PLSCR5: variants seen among roughly 807,000 people sequenced by gnomAD.
The protein encoded by PLSCR5 is phospholipid scramblase family member 5, also known as phospholipid scramblase family, member 5.
PLSCR5 carries 44 observed loss-of-function variants against 33.6 expected under a neutral mutation model. The ratio of observed to expected loss-of-function variants is 1.31; its 90% CI spans 1.03 to 1.69. PLSCR5 has a LOEUF of 1.69. Among genes scored for constraint, PLSCR5 ranks in the 40% most tolerant of loss-of-function variants. The pLI, the probability that PLSCR5 is intolerant of heterozygous loss-of-function variation, is 0.00. For missense variants in PLSCR5, 375 were observed against 318.7 expected (o/e 1.18, Z -1.34); for synonymous variants, 148 against 112.3 (o/e 1.32, Z -2.01).
chr3:146,585,231 C>T (rs1419215377), downstream of PLSCR5, among the ~76,000 whole-genome samples: 5 of 152,080 alleles, frequency 3.3e-5, no homozygotes, highest in Admixed American at 1.3e-4. Flanking sequence ...GTTTCCTTTG[C>T]TTGTTTTTAA....
In PLSCR5 at chr3:146,600,373, T is replaced by C. The variant is rs778266637; in HGVS notation, c.104A>G (p.Asn35Ser). 3 of 1,610,058 alleles carry C rather than the reference T, an allele frequency of 1.9e-6. No homozygotes were observed. The African/African-American group carries it at 4.0e-5, about 22-fold the overall frequency. ...QSLPASSNPG[N>S]QAWQLSLPLP... Reference sequence around the variant, plus strand: ...AGGGAGACTCAGCTGCCATGCTTGGTTCCCTGGATTGGAAGAGGCAGGAAG... The same window carrying C: ...AGGGAGACTCAGCTGCCATGCTTGGCTCCCTGGATTGGAAGAGGCAGGAAG... Residue 35 changes from asparagine to serine, a missense_variant, in exon 2 of 8, where the codon AAC (asparagine) becomes AGC (serine). Transcript: ENST00000443512.
rs765503878 is a variant in PLSCR5, at chr3:146,589,705, G to T, written c.725C>A (p.Ala242Glu). The change falls in exon 6 of 8, where the codon GCA becomes GAA. Residue 242 changes from alanine (A) to glutamate (E), a missense_variant. By Grantham distance (107) the Ala-to-Glu change is moderately radical. Coordinates refer to ENST00000443512, the MANE Select transcript of PLSCR5 (RefSeq NM_001085420.2). ...NADNFGIHVP[A>E]DLDVTVKAAM... The stretch of plus-strand genomic sequence containing the variant: ...TGCTTTGACTGTTACATCTAGATCT[G>T]CAGGAACATGAATTCCGAAATTGTC... 3.7e-6 allele frequency: 6 copies of T among 1,605,786 alleles called. No homozygotes were observed. The highest frequency in any genetic ancestry group is 5.1e-6 in the Non-Finnish European group (6 of 1,173,842).
rs772014176 is a variant in PLSCR5 at position 146,589,688 on chromosome 3, C to A, written c.742G>T (p.Val248Phe). Residue 248 changes from valine to phenylalanine, a missense_variant, in exon 6 of 8, where the codon GTC becomes TTC. Physicochemically the swap from Val to Phe is conservative, Grantham distance 50. Transcript: ENST00000443512. ...CAGGCACCGATCATTGCTGCTTTGACTGTTACATCTAGATCTGCAGGAACA... is the reference window on the plus strand; with the variant it reads ...CAGGCACCGATCATTGCTGCTTTGAATGTTACATCTAGATCTGCAGGAACA... ...IHVPADLDVT[V>F]KAAMIGACFL... 2 of 1,601,626 alleles carry A rather than the reference C, an allele frequency of 1.2e-6. No homozygotes were observed. The highest frequency in any genetic ancestry group is 3.4e-5 in the Admixed American group (2 of 59,466).
At chr3:146,604,158 T>C (rs1342958206) in intron 1 of PLSCR5, among the ~76,000 whole-genome samples, 1 of 152,114 alleles carries the variant, frequency 6.6e-6, no homozygotes, top group African/African-American at 2.4e-5. Flanking sequence ...TCACCAATTA[T>C]ACTAATTATA....
At chr3:146,580,743 G>A (rs2044628421) in intron 7 of PLSCR5, among the ~76,000 whole-genome samples, 1 of 152,128 alleles carries the variant, frequency 6.6e-6, no homozygotes, top group African/African-American at 2.4e-5. Context: ...GATTATAGGC[G>A]TGAGCCACCG....
chr3:146,593,600 G>A (rs2044733081), intron 4 of PLSCR5, among the ~76,000 whole-genome samples: 1 of 152,094 alleles, frequency 6.6e-6, no homozygotes, highest in African/African-American at 2.4e-5. Context: ...GACAAAGGGT[G>A]TATATGCCCA....
intron 1 of PLSCR5, among the ~76,000 whole-genome samples, chr3:146,601,582 CA>C (rs1195971030): frequency 2.7e-5 from 4 of 150,510 alleles, no homozygotes; most frequent in Non-Finnish European, 6.0e-5. Flanking sequence ...AAGAGAGGGA[CA>C]AGGAAATTGC....
At position 146,591,745 on chromosome 3, in the gene PLSCR5, C is replaced by G. The variant is rs749170196; in HGVS notation, c.590G>C (p.Gly197Ala). The G allele has an allele frequency of 1.2e-6, 2 of 1,611,032 alleles. No individual in the cohort carries two copies. The highest frequency in any genetic ancestry group is 1.3e-5 in the African/African-American group (1 of 74,830). The change falls in exon 5 of 8, where the codon GGC (glycine) becomes GCC (alanine). Residue 197 changes from glycine (G) to alanine (A), a missense_variant. By Grantham distance (60) the Gly-to-Ala change is moderately conservative. Transcript: ENST00000443512. ...CTCAAAATCCACATCGCCAAAACAGCCACATGTCACACAAGGACCAACAAT... is the reference window on the plus strand; with the variant it reads ...CTCAAAATCCACATCGCCAAAACAGGCACATGTCACACAAGGACCAACAAT... The part of the protein sequence containing the change: ...LKIVGPCVTC[G>A]CFGDVDFEVK...
At position 146,589,721 on chromosome 3, in the gene PLSCR5, C is replaced by T. The variant is rs372938866; in HGVS notation, c.709G>A (p.Gly237Arg). ...NDVFTNADNFGIHVPADLDVT... is the reference protein window; with the variant it reads ...NDVFTNADNFRIHVPADLDVT... The stretch of plus-strand genomic sequence containing the variant: ...TCTAGATCTGCAGGAACATGAATTC[C>T]GAAATTGTCAGCATTTGTGAAGACA... The change falls in exon 6 of 8, where the codon GGA (glycine) becomes AGA (arginine). Residue 237 changes from glycine (G) to arginine (R), a missense_variant. Gly to Arg is a moderately radical substitution (Grantham distance 125). Coordinates refer to ENST00000443512, the MANE Select transcript of PLSCR5 (RefSeq NM_001085420.2). The T allele has an allele frequency of 8.5e-5, 137 of 1,602,856 alleles. No individual in the cohort carries two copies. The highest frequency in any genetic ancestry group is 8.3e-4 in the African/African-American group (62 of 74,764).
intron 2 of PLSCR5, among the ~76,000 whole-genome samples, chr3:146,599,301 A>C (rs149665671): frequency 1.3e-5 from 2 of 152,298 alleles, no homozygotes; most frequent in African/African-American, 4.8e-5. Context: ...CTGGAGATGC[A>C]GTGGTATCAG....
intron 6 of PLSCR5, among the ~76,000 whole-genome samples, chr3:146,587,910 T>G (rs897303824): frequency 6.6e-6 from 1 of 151,960 alleles, no homozygotes; most frequent in African/African-American, 2.4e-5. Context: ...ATCTATGTAT[T>G]AAATTCTGAG....
chr3:146,580,376 T>C (rs112507847), intron 7 of PLSCR5, among the ~76,000 whole-genome samples: 11,578 of 151,922 alleles, frequency 0.076, 496 homozygotes, highest in East Asian at 0.16. Context: ...TCTCTCTTCT[T>C]GTTTACTGTA....
At chr3:146,582,991 C>A (rs745655275), downstream of PLSCR5, among the ~76,000 whole-genome samples, 1 of 152,028 alleles carries the variant, frequency 6.6e-6, no homozygotes, top group Non-Finnish European at 1.5e-5. Context: ...ATTTTCCACA[C>A]CCCTACGTTT....
intron 2 of PLSCR5, among the ~76,000 whole-genome samples, chr3:146,598,538 A>G (rs17433365): frequency 0.28 from 43,296 of 152,072 alleles, 6,321 homozygotes; most frequent in African/African-American, 0.36. Flanking sequence ...ACCAAAGCCA[A>G]TGGGCTCATA....
intron 1 of PLSCR5, among the ~76,000 whole-genome samples, chr3:146,601,962 A>G (rs1321711040): frequency 6.6e-6 from 1 of 152,106 alleles, no homozygotes; most frequent in Non-Finnish European, 1.5e-5. Context: ...GTACGAATAA[A>G]CTGAGTTCAT....
intron 5 of PLSCR5, among the ~76,000 whole-genome samples, chr3:146,590,987 G>GT (rs376959020): frequency 0.16 from 13,697 of 87,988 alleles, 867 homozygotes; most frequent in Middle Eastern, 0.22. Flanking sequence ...CGAGAATAAG[G>GT]TTTTTTTTTG....
At chr3:146,599,175 A>C (rs940031179) in intron 2 of PLSCR5, among the ~76,000 whole-genome samples, 1 of 152,188 alleles carries the variant, frequency 6.6e-6, no homozygotes, top group African/African-American at 2.4e-5. Context: ...ATATGCCATA[A>C]AATTCAGATA....
intron 6 of PLSCR5, among the ~76,000 whole-genome samples, chr3:146,586,939 A>C (rs989436344): frequency 2.0e-5 from 3 of 152,202 alleles, no homozygotes; most frequent in Non-Finnish European, 4.4e-5. Context: ...TTGGCTGGCA[A>C]AAAAAGGCAA....
intron 2 of PLSCR5, among the ~76,000 whole-genome samples, chr3:146,596,324 G>A (rs1443662475): frequency 6.6e-6 from 1 of 152,230 alleles, no homozygotes; most frequent in Admixed American, 6.5e-5. Context: ...GAGCAGTTGG[G>A]ATTACAGGTG....
Sources: allele counts gnomAD v4.1 joint callset (sites outside exome capture counted in the v4.1 genomes callset), GRCh38; gene constraint gnomAD v4.1.1; transcripts MANE v1.5; gene names NCBI Gene and HGNC (gene_info 2026-07-23, HGNC 2026-07-21).